Variants in MS4A18 observed in about 807,000 individuals in gnomAD.
MS4A18 encodes membrane-spanning 4-domains subfamily A member 18.
MS4A18 carries 27 observed loss-of-function variants against 13.1 expected under a neutral mutation model. The observed-to-expected ratio is 2.06, with a 90% CI of 1.52 to 2.84. The LOEUF (loss-of-function observed/expected upper bound fraction) is 2.84. MS4A18 is among the 30% of genes most tolerant of loss of function. The pLI, the probability that MS4A18 is intolerant of heterozygous loss-of-function variation, is 0.00. For missense variants in MS4A18, 307 were observed against 196.4 expected, an observed-to-expected ratio of 1.56 and a Z score of -3.37; for synonymous variants, 126 against 76.5, an observed-to-expected ratio of 1.65 and a Z score of -3.38.
At chr11:60,726,783 A>G (rs1043942777), upstream of MS4A18, among the ~76,000 whole-genome samples, 1 of 93,256 alleles carries the variant, frequency 1.1e-5, no homozygotes, top group Non-Finnish European at 2.3e-5. Context: ...TTTTTACTCT[A>G]AGTTCTGGGA....
At chr11:60,731,233 T>C (rs1853249100) in intron 1 of MS4A18, among the ~76,000 whole-genome samples, 2 of 152,262 alleles carry the variant, frequency 1.3e-5, no homozygotes, top group Non-Finnish European at 2.9e-5. Context: ...ATGACTATCA[T>C]TATTATTAAT....
chr11:60,735,251 C>T (rs1853316529), intron 2 of MS4A18, among the ~76,000 whole-genome samples: 1 of 152,192 alleles, frequency 6.6e-6, no homozygotes, highest in Non-Finnish European at 1.5e-5. Flanking sequence ...CAAAGCATCA[C>T]ACGTGGTTTT....
At chr11:60,728,671 C>T (rs1853204022), upstream of MS4A18, among the ~76,000 whole-genome samples, 1 of 151,542 alleles carries the variant, frequency 6.6e-6, no homozygotes, top group African/African-American at 2.4e-5. Context: ...CTTCTTTCTC[C>T]TTCCCTCTCG....
chr11:60,736,184 A>C (rs1359593524), intron 2 of MS4A18, among the ~76,000 whole-genome samples: 1 of 152,000 alleles, frequency 6.6e-6, no homozygotes, highest in Non-Finnish European at 1.5e-5. Context: ...ATTCTCCCCC[A>C]TCAATAATCC....
At chr11:60,726,111 A>G (rs556848182), upstream of MS4A18, among the ~76,000 whole-genome samples, 1 of 152,322 alleles carries the variant, frequency 6.6e-6, no homozygotes, top group African/African-American at 2.4e-5. Context: ...AAAAAAATAA[A>G]TTTGAGTCTC....
chr11:60,728,219 T>C (rs1157205881), upstream of MS4A18, among the ~76,000 whole-genome samples: 1 of 152,210 alleles, frequency 6.6e-6, no homozygotes, highest in African/African-American at 2.4e-5. Flanking sequence ...TCTGTTTTTT[T>C]GCTCTGAAAC....
chr11:60,739,225 C>T (rs1422257721), intron 4 of MS4A18, among the ~76,000 whole-genome samples: 2 of 152,132 alleles, frequency 1.3e-5, no homozygotes, highest in African/African-American at 4.8e-5. Context: ...AGCCACTTGA[C>T]CTCTCCTCGT....
At chr11:60,734,355 G>A (rs1853304713) in intron 2 of MS4A18, among the ~76,000 whole-genome samples, 1 of 152,184 alleles carries the variant, frequency 6.6e-6, no homozygotes, top group African/African-American at 2.4e-5. Flanking sequence ...GGAGCCGACT[G>A]CAAAATTTCC....
At chr11:60,730,595 G>A (rs1051261639) in intron 1 of MS4A18, among the ~76,000 whole-genome samples, 14 of 152,212 alleles carry the variant, frequency 9.2e-5, no homozygotes, top group African/African-American at 2.7e-4. Flanking sequence ...GCTGCCCAAA[G>A]TGCAAATTGT....
intron 2 of MS4A18, among the ~76,000 whole-genome samples, chr11:60,735,660 GCTT>G (rs1248043719): frequency 9.2e-6 from 1 of 108,862 alleles, no homozygotes; most frequent in Non-Finnish European, 1.8e-5. Context: ...TCATTCCCTT[GCTT>G]TTTTTTTTTT....
chr11:60,738,608 T>G (rs1038828316), intron 3 of MS4A18, among the ~76,000 whole-genome samples: 1 of 151,990 alleles, frequency 6.6e-6, no homozygotes, highest in Non-Finnish European at 1.5e-5. Flanking sequence ...AACTAACAGG[T>G]ACTAGGCTTA....
intron 3 of MS4A18, among the ~76,000 whole-genome samples, chr11:60,738,685 C>A (rs115247815): frequency 0.013 from 1,967 of 152,012 alleles, 40 homozygotes; most frequent in African/African-American, 0.045. Flanking sequence ...TGAGACAAAC[C>A]TGGACTTGTA....
chr11:60,726,827 G>GTATACAT (rs2134671201), upstream of MS4A18, among the ~76,000 whole-genome samples: 1 of 150,690 alleles, frequency 6.6e-6, no homozygotes, highest in East Asian at 1.9e-4. Context: ...TGTTACATAG[G>GTATACAT]TATACATGTG....
chr11:60,737,457 T>C (rs1262258920), intron 3 of MS4A18, among the ~76,000 whole-genome samples: 2 of 152,228 alleles, frequency 1.3e-5, no homozygotes, highest in South Asian at 4.1e-4. Context: ...AAAATGTGTG[T>C]GCATCTCGGC....
At chr11:60,739,381 C>A (rs772241865) in intron 4 of MS4A18, among the ~76,000 whole-genome samples, 6 of 152,106 alleles carry the variant, frequency 3.9e-5, no homozygotes, top group Non-Finnish European at 8.8e-5. Flanking sequence ...GATGCTAGTT[C>A]TGGTCTTTTG....
exon 6 of MS4A18, chr11:60,744,054 G>A (rs1853450647): frequency 3.0e-6 from 2 of 659,308 alleles, no homozygotes; most frequent in African/African-American, 1.8e-5. Context: ...GGGATACACT[G>A]TAGCTGTATC....
intron 2 of MS4A18, among the ~76,000 whole-genome samples, chr11:60,734,461 C>G (rs567022437): frequency 8.1e-4 from 124 of 152,304 alleles, no homozygotes; most frequent in Non-Finnish European, 1.3e-3. Flanking sequence ...TGCTCCAAAT[C>G]AGGGCCCTTC....
chr11:60,725,369 AT>A (rs1197411269), upstream of MS4A18, among the ~76,000 whole-genome samples: 7 of 151,914 alleles, frequency 4.6e-5, no homozygotes, highest in South Asian at 8.3e-4. Context: ...AATTTTTTGT[AT>A]TTTTTAGTAG....
upstream of MS4A18, among the ~76,000 whole-genome samples, chr11:60,726,679 C>T (rs180734328): frequency 6.6e-6 from 1 of 151,906 alleles, no homozygotes; most frequent in African/African-American, 2.4e-5. Context: ...AAAATATTCA[C>T]AACAATGGCC....
Sources: allele counts gnomAD v4.1 joint callset (sites outside exome capture counted in the v4.1 genomes callset), GRCh38; gene constraint gnomAD v4.1.1; transcripts MANE v1.5; gene names NCBI Gene and HGNC (gene_info 2026-07-23, HGNC 2026-07-21).